Variants in SSPN observed in about 807,000 individuals in gnomAD.
SSPN encodes the protein K-ras oncogene-associated protein.
Under a neutral mutation model 19.1 loss-of-function variants are expected in SSPN, and 15 were observed. The observed-to-expected ratio is 0.78, with a 90% CI of 0.52 to 1.21. The LOEUF is 1.21. Ranked by LOEUF, SSPN falls within the 50% of genes most tolerant of loss-of-function variation. The pLI is 0.00. For synonymous variants in SSPN, 147 were observed against 140.3 expected, an observed-to-expected ratio of 1.05 and a Z score of -0.34; for missense variants, 291 against 314.0, an observed-to-expected ratio of 0.93 and a Z score of 0.55.
At chr12:26,202,207 CT>C (rs909941710) in intron 1 of SSPN, among the ~76,000 whole-genome samples, 1 of 152,096 alleles carries the variant, frequency 6.6e-6, no homozygotes, top group Non-Finnish European at 1.5e-5. Flanking sequence ...CACAACCATC[CT>C]TTTTTTATCC....
chr12:26,184,745 GTAAA>G (rs1262491725), intron 1 of SSPN, among the ~76,000 whole-genome samples: 1 of 151,992 alleles, frequency 6.6e-6, no homozygotes, highest in African/African-American at 2.4e-5. Flanking sequence ...ACAGAAAATG[GTAAA>G]TAAAGTGAAA....
chr12:26,133,614 A>ACAGT (rs1555175432), intron 1 of SSPN, among the ~76,000 whole-genome samples: 3 of 152,106 alleles, frequency 2.0e-5, no homozygotes, highest in Non-Finnish European at 4.4e-5. Context: ...GAAAATCTTG[A>ACAGT]CAATTGGTTC....
chr12:26,170,280 T>C (rs1944646518), intron 1 of SSPN, among the ~76,000 whole-genome samples: 1 of 152,204 alleles, frequency 6.6e-6, no homozygotes, highest in Non-Finnish European at 1.5e-5. Flanking sequence ...AATTAGGAAT[T>C]AAATGAGGAT....
At chr12:26,201,783 T>C (rs1444982928) in intron 1 of SSPN, among the ~76,000 whole-genome samples, 1 of 152,142 alleles carries the variant, frequency 6.6e-6, no homozygotes, top group Non-Finnish European at 1.5e-5. Context: ...AAATGAAAAA[T>C]AAAATAATTT....
At chr12:26,229,622 T>C (rs970285340) in intron 2 of SSPN, among the ~76,000 whole-genome samples, 2 of 152,226 alleles carry the variant, frequency 1.3e-5, no homozygotes, top group East Asian at 3.8e-4. Context: ...TGGAAATGAC[T>C]GGAACTAATA....
upstream of SSPN, among the ~76,000 whole-genome samples, chr12:26,192,574 G>A (rs534907565): frequency 5.3e-5 from 8 of 152,230 alleles, no homozygotes; most frequent in Admixed American, 5.2e-4. Flanking sequence ...TCAATTAAGT[G>A]AAAATGACAT....
Position 26,234,485 on chromosome 12 carries a change from G to A in SSPN, c.*3409G>A, listed in dbSNP as rs531891954. 1 of 152,292 alleles carries A rather than the reference G, an allele frequency of 6.6e-6. No homozygotes were observed. Among genetic ancestry groups the A allele is most frequent in the South Asian group, 2.1e-4 (1 of 4,826 alleles). The allele number at this position is 152,292 out of a possible 1,614,324, so 9.4% of individuals were successfully genotyped here. Reference sequence around the variant, plus strand: ...GCATTAAAAAGAACTGATGGCAAATGTATTGACTCACAGTGGAAACATTCA... The same window carrying A: ...GCATTAAAAAGAACTGATGGCAAATATATTGACTCACAGTGGAAACATTCA... On this transcript the variant is annotated 3_prime_UTR_variant, in exon 3 of 3. Coordinates refer to ENST00000242729, the MANE Select transcript of SSPN (RefSeq NM_005086.5).
intron 1 of SSPN, among the ~76,000 whole-genome samples, chr12:26,126,782 C>A (rs1318769433): frequency 6.6e-6 from 1 of 152,262 alleles, no homozygotes; most frequent in African/African-American, 2.4e-5. Context: ...CCGTTCAGTT[C>A]ATCTGTTTAG....
chr12:26,172,347 C>T (rs2137433827), intron 1 of SSPN, among the ~76,000 whole-genome samples: 1 of 152,292 alleles, frequency 6.6e-6, no homozygotes, highest in East Asian at 1.9e-4. Context: ...GTCACTCCCG[C>T]TCCCTGGAGG....
intron 1 of SSPN, among the ~76,000 whole-genome samples, chr12:26,145,835 C>A (rs1282480756): frequency 6.6e-6 from 1 of 152,186 alleles, no homozygotes; most frequent in South Asian, 2.1e-4. Flanking sequence ...GAAGGCATAA[C>A]AAGACTCCTC....
intron 1 of SSPN, among the ~76,000 whole-genome samples, chr12:26,163,138 T>C (rs192403920): frequency 5.0e-4 from 76 of 152,070 alleles, no homozygotes; most frequent in Non-Finnish European, 6.6e-4. Context: ...CATGCAAATA[T>C]GGCCACAGCT....
At chr12:26,173,664 G>A (rs556690666) in intron 1 of SSPN, among the ~76,000 whole-genome samples, 2 of 152,092 alleles carry the variant, frequency 1.3e-5, no homozygotes, top group Admixed American at 6.5e-5. Flanking sequence ...TTCAATCATC[G>A]TCTTTTATAA....
At chr12:26,207,631 T>C (rs987498196) in intron 1 of SSPN, among the ~76,000 whole-genome samples, 2 of 152,210 alleles carry the variant, frequency 1.3e-5, no homozygotes, top group African/African-American at 4.8e-5. Context: ...AACATCGTTT[T>C]TGAGATTTAT....
At chr12:26,143,425 T>G (rs189392608) in intron 1 of SSPN, among the ~76,000 whole-genome samples, 38 of 152,302 alleles carry the variant, frequency 2.5e-4, no homozygotes, top group African/African-American at 8.9e-4. Flanking sequence ...ATTTCACAGA[T>G]GGAAGATAGG....
At chr12:26,169,688 A>G (rs1247689532) in intron 1 of SSPN, among the ~76,000 whole-genome samples, 1 of 152,162 alleles carries the variant, frequency 6.6e-6, no homozygotes, top group Admixed American at 6.5e-5. Flanking sequence ...TATGACATAG[A>G]GGAAGGAGTA....
intron 1 of SSPN, among the ~76,000 whole-genome samples, chr12:26,146,211 C>G (rs1020769360): frequency 6.4e-4 from 98 of 152,286 alleles, no homozygotes; most frequent in African/African-American, 2.2e-3. Context: ...TATCAAGTCT[C>G]CTCCAGAGTG....
intron 1 of SSPN, among the ~76,000 whole-genome samples, chr12:26,137,812 CCCA>C (rs1484616330): frequency 5.3e-5 from 8 of 150,432 alleles, no homozygotes; most frequent in Non-Finnish European, 8.9e-5. Context: ...TTACAGGGGC[CCCA>C]CCACCACGCC....
intron 1 of SSPN, among the ~76,000 whole-genome samples, chr12:26,151,161 A>C (rs1374799281): frequency 3.4e-5 from 5 of 147,512 alleles, no homozygotes; most frequent in Non-Finnish European, 7.5e-5. Context: ...AGAACTCTTG[A>C]GTGCCCTGTT....
At chr12:26,179,885 A>G (rs993499885) in intron 1 of SSPN, 1 of 150,254 alleles carries the variant, frequency 6.7e-6, no homozygotes, top group African/African-American at 2.5e-5. Context: ...TGAAACGCTC[A>G]AATGATAAAT....
Sources: allele counts gnomAD v4.1 joint callset (sites outside exome capture counted in the v4.1 genomes callset), GRCh38; gene constraint gnomAD v4.1.1; transcripts MANE v1.5; gene names NCBI Gene and HGNC (gene_info 2026-07-23, HGNC 2026-07-21).